The following ZEB2 variants were observed in gnomAD, a reference collection of about 807,000 sequenced individuals.
The protein encoded by ZEB2 is zinc finger E-box binding homeobox 2.
ZEB2 carries 6 observed loss-of-function variants against 99.9 expected under a neutral mutation model. The ratio of observed to expected loss-of-function variants is 0.06; its 90% CI spans 0.03 to 0.12. The LOEUF is 0.12. Ranked by LOEUF, ZEB2 falls within the 10% of genes least tolerant of loss-of-function variation. ZEB2 has a pLI of 1.00. For synonymous variants in ZEB2, 517 were observed against 542.5 expected (o/e 0.95, Z 0.65); for missense variants, 969 against 1,502.8 (o/e 0.64, Z 5.87).
chr2:144,482,318 T>G (rs1704524745), intron 2 of ZEB2: 1 of 152,280 alleles, frequency 6.6e-6, no homozygotes, highest in African/African-American at 2.4e-5. Flanking sequence ...CACCTCCACC[T>G]ACCATAGGTT....
At chr2:144,423,201 C>G (rs1703643224) in intron 4 of ZEB2, among the ~76,000 whole-genome samples, 1 of 152,136 alleles carries the variant, frequency 6.6e-6, no homozygotes. Context: ...TATACAACAG[C>G]TAGTAAATTG....
At chr2:144,417,398 T>G (rs544582165) in intron 4 of ZEB2, among the ~76,000 whole-genome samples, 1 of 152,202 alleles carries the variant, frequency 6.6e-6, no homozygotes, top group Admixed American at 6.5e-5. Flanking sequence ...TCGTTTTTGT[T>G]TATTGGTTGT....
intron 2 of ZEB2, among the ~76,000 whole-genome samples, chr2:144,464,752 C>T (rs1413203772): frequency 2.0e-5 from 3 of 152,104 alleles, no homozygotes; most frequent in Non-Finnish European, 4.4e-5. Flanking sequence ...ACATATTATG[C>T]ATTAAATTAT....
intron 2 of ZEB2, among the ~76,000 whole-genome samples, chr2:144,450,750 A>C (rs1029583257): frequency 6.6e-6 from 1 of 152,166 alleles, no homozygotes; most frequent in African/African-American, 2.4e-5. Context: ...ACCTTGGTTC[A>C]CTGCAACCTC....
chr2:144,515,397 G>A (rs912067067), intron 2 of ZEB2, among the ~76,000 whole-genome samples: 2 of 152,038 alleles, frequency 1.3e-5, no homozygotes, highest in African/African-American at 2.4e-5. Context: ...AGAGGAGAGG[G>A]GGACATTAGG....
chr2:144,413,391 G>T (rs186944887), intron 4 of ZEB2, among the ~76,000 whole-genome samples: 3 of 152,230 alleles, frequency 2.0e-5, no homozygotes, highest in African/African-American at 4.8e-5. Flanking sequence ...GCTCCTAATC[G>T]CAAACAAAGC....
intron 2 of ZEB2, among the ~76,000 whole-genome samples, chr2:144,502,560 T>A (rs906268269): frequency 3.3e-5 from 5 of 152,156 alleles, no homozygotes; most frequent in African/African-American, 1.2e-4. Context: ...CTGCCTCCCA[T>A]GGCTACCTCC....
At chr2:144,404,369 T>TTG (rs1560609423) in intron 5 of ZEB2, among the ~76,000 whole-genome samples, 5 of 62,368 alleles carry the variant, frequency 8.0e-5, no homozygotes, top group Non-Finnish European at 1.5e-4. Context: ...TTTTTTTTTT[T>TTG]GGGGGGGTGG....
At chr2:144,484,205 G>GTGTGTGTGTGTGTGTGTGTC (rs1450653223) in intron 2 of ZEB2, among the ~76,000 whole-genome samples, 1 of 152,024 alleles carries the variant, frequency 6.6e-6, no homozygotes, top group Non-Finnish European at 1.5e-5. Context: ...GTGTGTGTGT[G>GTGTGTGTGTGTGTGTGTGTC]TGTGTGTGAA....
intron 2 of ZEB2, chr2:144,513,919 G>C: frequency 6.8e-7 from 1 of 1,476,600 alleles, no homozygotes; most frequent in South Asian, 1.3e-5. Context: ...TCATCTGACT[G>C]AACTTTCTTG....
intron 5 of ZEB2, 30 bp from the exon 6 acceptor site, chr2:144,404,160 G>A (rs1325916248): frequency 6.2e-7 from 1 of 1,611,484 alleles, no homozygotes; most frequent in East Asian, 2.2e-5. Context: ...AGAGAGAGAA[G>A]CGGGCCAAAA....
intron 2 of ZEB2, chr2:144,463,860 CAA>C (rs559614826): frequency 1.9e-4 from 26 of 139,998 alleles, no homozygotes; most frequent in African/African-American, 6.0e-4. Context: ...AAACAAAAAA[CAA>C]AAAAAGAAAG....
intron 6 of ZEB2, among the ~76,000 whole-genome samples, chr2:144,403,487 A>G (rs182320421): frequency 2.9e-4 from 44 of 152,278 alleles, no homozygotes; most frequent in African/African-American, 1.0e-3. Context: ...TGAAGGTGTT[A>G]TATGAAAAAT....
rs1412393044 is a variant in ZEB2, at chr2:144,385,453, T to C, written c.*3998A>G. 5 of 152,158 alleles carry C rather than the reference T, an allele frequency of 3.3e-5. No homozygotes were observed. Among genetic ancestry groups the C allele is most frequent in the Middle Eastern group, 3.2e-3 (1 of 316 alleles). The allele number at this position is 152,158 out of a possible 1,614,324, so 9.4% of individuals were successfully genotyped here. On this transcript the variant is annotated 3_prime_UTR_variant, in exon 10 of 10. Transcript: ENST00000627532. Reference sequence around the variant, plus strand: ...TCCCCCTCTTTTTTTAGTGCTATGATTGATGAACATGCAATGTGAGATTCA... The same window carrying C: ...TCCCCCTCTTTTTTTAGTGCTATGACTGATGAACATGCAATGTGAGATTCA...
At chr2:144,477,956 T>G (rs922711382) in intron 2 of ZEB2, among the ~76,000 whole-genome samples, 4 of 152,134 alleles carry the variant, frequency 2.6e-5, no homozygotes, top group African/African-American at 9.7e-5. Flanking sequence ...TTAAAACAAC[T>G]ACTAGAATCA....
chr2:144,418,484 TC>T (rs1319765882), intron 4 of ZEB2, among the ~76,000 whole-genome samples: 1 of 151,840 alleles, frequency 6.6e-6, no homozygotes, highest in Non-Finnish European at 1.5e-5. Flanking sequence ...GGTCAGGAGT[TC>T]AAGATCAGCC....
At chr2:144,421,006 T>C (rs1213463869) in intron 4 of ZEB2, among the ~76,000 whole-genome samples, 1 of 152,142 alleles carries the variant, frequency 6.6e-6, no homozygotes, top group Non-Finnish European at 1.5e-5. Flanking sequence ...GAGGAGGACA[T>C]GAGGGACAGA....
At chr2:144,480,574 A>G (rs150725444) in intron 2 of ZEB2, among the ~76,000 whole-genome samples, 1 of 152,082 alleles carries the variant, frequency 6.6e-6, no homozygotes, top group East Asian at 1.9e-4. Flanking sequence ...GCTTGGCCCT[A>G]CTCTGTTTGC....
intron 2 of ZEB2, among the ~76,000 whole-genome samples, chr2:144,506,555 G>A (rs1704953341): frequency 6.6e-6 from 1 of 152,124 alleles, no homozygotes; most frequent in South Asian, 2.1e-4. Context: ...GTACTTCCAA[G>A]AATAGGCAAT....
Sources: allele counts gnomAD v4.1 joint callset (sites outside exome capture counted in the v4.1 genomes callset), GRCh38; gene constraint gnomAD v4.1.1; transcripts MANE v1.5; gene names NCBI Gene and HGNC (gene_info 2026-07-23, HGNC 2026-07-21).